The following ACAP2 variants were observed in gnomAD, a reference collection of about 807,000 sequenced individuals.
ACAP2 encodes arf-GAP with coiled-coil, ANK repeat and PH domain-containing protein 2.
A neutral mutation model predicts 115.8 loss-of-function variants in ACAP2; 39 were observed. The observed-to-expected ratio is 0.34, with a 90% CI of 0.26 to 0.44. The LOEUF (loss-of-function observed/expected upper bound fraction) is 0.44. Among genes scored for constraint, ACAP2 ranks in the 20% least tolerant of loss-of-function variants. The probability of loss-of-function intolerance (pLI) is 1.00; values close to 1 mark genes in which losing one functional copy is unlikely to be tolerated. For synonymous variants in ACAP2, 289 were observed against 315.8 expected, an observed-to-expected ratio of 0.92 and a Z score of 0.90; for missense variants, 662 against 927.6, an observed-to-expected ratio of 0.71 and a Z score of 3.72.
intron 4 of ACAP2, among the ~76,000 whole-genome samples, chr3:195,378,480 G>A (rs889132198): frequency 6.8e-6 from 1 of 147,138 alleles, no homozygotes; most frequent in East Asian, 2.1e-4. Flanking sequence ...AACAGAGCGA[G>A]ACTCCGTCTC....
At chr3:195,425,778 AT>A (rs1275179157) in intron 1 of ACAP2, among the ~76,000 whole-genome samples, 3 of 152,230 alleles carry the variant, frequency 2.0e-5, no homozygotes, top group Non-Finnish European at 4.4e-5. Flanking sequence ...CAAAAATGCG[AT>A]TTTTTTATTC....
At chr3:195,279,661 CAGAGTT>C (rs941170302) in intron 22 of ACAP2, 1 of 326,078 alleles carries the variant, frequency 3.1e-6, no homozygotes, top group African/African-American at 2.2e-5. Context: ...GAAGAAAGCT[CAGAGTT>C]AGAAAAGAGC....
intron 2 of ACAP2, among the ~76,000 whole-genome samples, chr3:195,386,699 A>G (rs755616340): frequency 1.2e-4 from 18 of 152,196 alleles, no homozygotes; most frequent in Non-Finnish European, 2.4e-4. Context: ...CTTAAAACCT[A>G]GATGATGCGT....
chr3:195,427,635 C>T (rs1050713472), intron 1 of ACAP2, among the ~76,000 whole-genome samples: 6 of 152,060 alleles, frequency 3.9e-5, no homozygotes, highest in Non-Finnish European at 5.9e-5. Context: ...CTAGGCCGGA[C>T]GCAGTGGCTC....
intron 9 of ACAP2, chr3:195,325,414 ATTTTTTTTTTTTTTTT>A (rs746254101): frequency 3.8e-6 from 1 of 262,074 alleles, no homozygotes; most frequent in Non-Finnish European, 7.2e-6. Flanking sequence ...TAGTGGACTG[ATTTTTTTTTTTTTTTT>A]TTTTTTTTTT....
At chr3:195,399,847 A>AT (rs1712120572) in intron 1 of ACAP2, among the ~76,000 whole-genome samples, 1 of 152,142 alleles carries the variant, frequency 6.6e-6, no homozygotes, top group South Asian at 2.1e-4. Context: ...GATTTAAAAA[A>AT]TAAAAAAATT....
intron 1 of ACAP2, among the ~76,000 whole-genome samples, chr3:195,437,712 G>A (rs1560373199): frequency 6.6e-6 from 1 of 150,828 alleles, no homozygotes; most frequent in Non-Finnish European, 1.5e-5. Context: ...CTACTCGGGA[G>A]GCTGAGGCAG....
chr3:195,301,817 C>G (rs924466198), intron 14 of ACAP2, 149 bp downstream of exon 14: 1 of 1,187,484 alleles, frequency 8.4e-7, no homozygotes, highest in Non-Finnish European at 1.2e-6. Flanking sequence ...TTTTACAAAC[C>G]AGGATTTTAA....
intron 8 of ACAP2, among the ~76,000 whole-genome samples, chr3:195,332,660 G>C (rs950160286): frequency 2.0e-5 from 3 of 152,176 alleles, no homozygotes; most frequent in Non-Finnish European, 4.4e-5. Context: ...ACAAGGTGGA[G>C]GGAACTGAGT....
At chr3:195,360,479 T>C (rs1012138835) in intron 4 of ACAP2, among the ~76,000 whole-genome samples, 1 of 152,030 alleles carries the variant, frequency 6.6e-6, no homozygotes, top group Non-Finnish European at 1.5e-5. Context: ...AGACAGAAAA[T>C]CCACAAGGAA....
intron 8 of ACAP2, among the ~76,000 whole-genome samples, chr3:195,332,755 T>C (rs565640114): frequency 1.3e-5 from 2 of 152,288 alleles, no homozygotes; most frequent in South Asian, 2.1e-4. Context: ...TGTTTGGTAG[T>C]TTCTCCTGCG....
chr3:195,351,758 C>T (rs1410350315), intron 4 of ACAP2, among the ~76,000 whole-genome samples: 4 of 152,122 alleles, frequency 2.6e-5, no homozygotes, highest in Admixed American at 6.5e-5. Context: ...CCACCATGCC[C>T]GGCCTAAATC....
At chr3:195,388,496 A>G (rs1009139973) in intron 2 of ACAP2, among the ~76,000 whole-genome samples, 4 of 152,214 alleles carry the variant, frequency 2.6e-5, no homozygotes, top group African/African-American at 9.7e-5. Context: ...CATTATAGGC[A>G]AAGTCAACAA....
chr3:195,375,507 CAAA>C (rs77856053), intron 4 of ACAP2, among the ~76,000 whole-genome samples: 35,626 of 103,596 alleles, frequency 0.34, 4,566 homozygotes, highest in East Asian at 0.68. Flanking sequence ...ATCAACTGTA[CAAA>C]AAAAAAAAAA....
intron 1 of ACAP2, among the ~76,000 whole-genome samples, chr3:195,398,339 T>C (rs1711977137): frequency 6.6e-6 from 1 of 152,164 alleles, no homozygotes; most frequent in South Asian, 2.1e-4. Flanking sequence ...TGTTACATAA[T>C]AACCTTTTAT....
intron 9 of ACAP2, among the ~76,000 whole-genome samples, chr3:195,321,897 G>C (rs1306520780): frequency 6.6e-6 from 1 of 152,184 alleles, no homozygotes; most frequent in Admixed American, 6.5e-5. Flanking sequence ...ACAGGTGTGA[G>C]CCACTGAGCC....
At chr3:195,336,242 C>CA (rs369245323) in intron 7 of ACAP2, 69,287 of 137,562 alleles carry the variant, frequency 0.5, 17,350 homozygotes, top group Middle Eastern at 0.67. Context: ...CTCCCCACCG[C>CA]AAAAAAAAAA....
At chr3:195,357,602 C>T (rs770444316) in intron 4 of ACAP2, 15 of 152,196 alleles carry the variant, frequency 9.9e-5, no homozygotes, top group Admixed American at 4.6e-4. Flanking sequence ...TTGTATCACC[C>T]CTCTCCAAGC....
chr3:195,429,103 A>G (rs1386725845), intron 1 of ACAP2, among the ~76,000 whole-genome samples: 1 of 152,184 alleles, frequency 6.6e-6, no homozygotes, highest in South Asian at 2.1e-4. Flanking sequence ...AACTAGTGAC[A>G]CTGGCCAGGT....
Sources: gnomAD v4.1 joint callset for allele counts (sites outside exome capture counted in the v4.1 genomes callset) on GRCh38, gnomAD v4.1.1 for gene constraint, MANE v1.5 for transcripts, NCBI Gene and HGNC (gene_info 2026-07-23, HGNC 2026-07-21) for gene names.